COL5A3: variants seen among roughly 807,000 people sequenced by gnomAD.
The protein encoded by COL5A3 is collagen alpha-3(V) chain.
Under a neutral mutation model 250.0 loss-of-function variants are expected in COL5A3, and 172 were observed. That is an observed-to-expected ratio of 0.69 (90% CI 0.61 to 0.78). COL5A3 has a LOEUF of 0.78. Ranked by LOEUF, COL5A3 falls within the 30% of genes least tolerant of loss-of-function variation. The pLI is 0.00. For synonymous variants in COL5A3, 937 were observed against 900.4 expected, an observed-to-expected ratio of 1.04 and a Z score of -0.73; for missense variants, 2,340 against 2,334.4, an observed-to-expected ratio of 1.00 and a Z score of -0.05.
chr19:9,986,031 G>T, intron 30 of COL5A3, 136 bp from the exon 31 acceptor site: 1 of 779,172 alleles, frequency 1.3e-6, no homozygotes, highest in Non-Finnish European at 2.2e-6. Flanking sequence ...CCTTGCTCCT[G>T]CCTGCTAGGG....
rs1233505048 is a variant in COL5A3, at chr19:10,003,571, C to T, written c.843G>A (p.Glu281=). Reference sequence around the variant, plus strand: ...GAGGTCTCAGGGCCCTTACCTGGTTCTCTGCGGAGTCAGGAGGTGGACTTG... The same window carrying T: ...GAGGTCTCAGGGCCCTTACCTGGTTTTCTGCGGAGTCAGGAGGTGGACTTG... ...WTSSPPPDSA[E]NQTSTDIPKT... Residue 281 remains glutamate, a synonymous_variant, in exon 6 of 67, where the codon GAG becomes GAA. Transcript: ENST00000264828. 1 of 1,614,158 alleles carries T rather than the reference C, an allele frequency of 6.2e-7. No homozygotes were observed. Among genetic ancestry groups the T allele is most frequent in the Non-Finnish European group, 8.5e-7 (1 of 1,180,008 alleles).
At position 9,998,137 on chromosome 19, in the gene COL5A3, T is replaced by C; in HGVS notation, c.1123A>G (p.Lys375Glu). 2.5e-6 allele frequency: 4 copies of C among 1,613,712 alleles called. No homozygotes were observed. Among genetic ancestry groups the C allele is most frequent in the Non-Finnish European group, 3.4e-6 (4 of 1,179,876 alleles). The change falls in exon 9 of 67, where the codon AAA becomes GAA. Residue 375 changes from lysine (K) to glutamate (E), a missense_variant. Transcript: ENST00000264828. ...QFQIFPGAGE[K>E]GAKGEPAVIE... The stretch of plus-strand genomic sequence containing the variant: ...ACTGCGGGCTCTCCTTTTGCTCCTT[T>C]CTCTCCAGCACCCTGGGGTGGGGTC...
At chr19:9,990,785 G>C (rs142764692) in intron 24 of COL5A3, among the ~76,000 whole-genome samples, 1 of 151,954 alleles carries the variant, frequency 6.6e-6, no homozygotes, top group Admixed American at 6.6e-5. Context: ...GGATGGTCTC[G>C]ATCTCCTGAC....
At chr19:9,977,758 G>T in intron 41 of COL5A3, 57 bp from the exon 42 acceptor site, 1 of 1,356,594 alleles carries the variant, frequency 7.4e-7, no homozygotes. Context: ...CCTTTATGGA[G>T]GGTTTTTAAG....
chr19:9,981,923 T>C lies in COL5A3; in HGVS notation c.2460+142A>G, dbSNP rs2087016785. The C allele has an allele frequency of 5.7e-6, 4 of 704,052 alleles. No homozygotes were observed. In the Admixed American group the frequency reaches 8.7e-5, roughly 15 times the overall value. The allele number at this position is 704,052 out of a possible 1,614,324, so 43.6% of individuals were successfully genotyped here. On this transcript the variant is annotated intron_variant, in intron 32 of 66. Transcript: ENST00000264828. ...TGTAATCACCTACATGTGTCATGCA[T>C]TGCATATAATAGCATGTGTGCACAC...
intron 31 of COL5A3, among the ~76,000 whole-genome samples, chr19:9,983,428 T>C (rs1371951525): frequency 6.6e-6 from 1 of 151,316 alleles, no homozygotes; most frequent in Middle Eastern, 3.2e-3. Context: ...AGTCCAAGAA[T>C]TGGGGGCTGT....
intron 64 of COL5A3, among the ~76,000 whole-genome samples, chr19:9,963,444 G>A (rs1055953247): frequency 1.9e-4 from 29 of 151,586 alleles, no homozygotes; most frequent in African/African-American, 6.8e-4. Context: ...GTCTTGGAGT[G>A]CAGTGGTGTG....
chr19:9,966,586 G>A lies in COL5A3; in HGVS notation c.4619C>T (p.Pro1540Leu), dbSNP rs1468740987. ...LRRPPGTAERPGLVCHELHRN... is the reference protein window; with the variant it reads ...LRRPPGTAERLGLVCHELHRN... ...GTGCAGCTCGTGGCACACGAGGCCC[G>A]GGCGCTCCGCAGTGCCGGGAGGACG... The change falls in exon 63 of 67, where the codon CCG becomes CTG. Residue 1540 changes from proline (P) to leucine (L), a missense_variant. By Grantham distance (98) the Pro-to-Leu change is moderately conservative (BLOSUM62 -3). Around this residue, in one of 3 missense-constraint regions of COL5A3, gnomAD observed 1,179 missense variants for 1,162.6 expected, o/e 1.01. Transcript: ENST00000264828. The A allele has an allele frequency of 1.3e-6, 2 of 1,541,540 alleles. No homozygotes were observed. Among genetic ancestry groups the A allele is most frequent in the South Asian group, 1.2e-5 (1 of 84,206 alleles).
chr19:9,989,791 T>C (rs1001864584), intron 24 of COL5A3, among the ~76,000 whole-genome samples: 1 of 152,120 alleles, frequency 6.6e-6, no homozygotes, highest in Non-Finnish European at 1.5e-5. Context: ...AGGGTAACTA[T>C]AGTCAATTAT....
At chr19:9,962,137 C>T (rs1231751089) in intron 65 of COL5A3, among the ~76,000 whole-genome samples, 1 of 148,734 alleles carries the variant, frequency 6.7e-6, no homozygotes, top group Admixed American at 6.7e-5. Flanking sequence ...GACGGAATCT[C>T]GCTCTGTTGC....
At position 9,967,460 on chromosome 19, in the gene COL5A3, TACACACAAACAC is replaced by T. The variant is rs1219164036; in HGVS notation, c.4405-72_4405-61del. 418 of 1,214,032 alleles carry T rather than the reference TACACACAAACAC, an allele frequency of 3.4e-4. 2 individuals are homozygous for T. The East Asian group carries it at 0.012, about 35-fold the overall frequency. 75.2% of individuals were successfully genotyped at this position (1,214,032 alleles called of 1,614,324 possible). A position where few individuals can be genotyped will look rare whatever the true frequency, so the allele number is the denominator to read the frequency against. On this transcript the variant is annotated intron_variant, in intron 61 of 66. Transcript: ENST00000264828. ...TCTATGGAGACCCTTCCCACCAACA[TACACACAAACAC>T]ACACACACACTCACACACACACTCA...
chr19:10,003,435 A>G (rs896219947), intron 6 of COL5A3, 130 bp downstream of exon 6: 16 of 923,818 alleles, frequency 1.7e-5, no homozygotes, highest in Non-Finnish European at 2.7e-5. Flanking sequence ...AGAGAAAAAG[A>G]TCATAGATGA....
At chr19:9,985,958 C>T (rs2087093538) in intron 30 of COL5A3, 63 bp from the exon 31 acceptor site, 5 of 1,507,470 alleles carry the variant, frequency 3.3e-6, no homozygotes, top group Non-Finnish European at 2.8e-6. Context: ...GCGGAAAGGT[C>T]AGGCTGGCTG....
At chr19:9,963,184 G>A (rs2086694818) in intron 64 of COL5A3, among the ~76,000 whole-genome samples, 1 of 152,068 alleles carries the variant, frequency 6.6e-6, no homozygotes, top group African/African-American at 2.4e-5. Flanking sequence ...CAGTGGGATT[G>A]AGCTCTGGGT....
chr19:9,973,906 CA>C lies in COL5A3; in HGVS notation c.3558+12del. ...CCATCTCTGAGCCTTCCTGGCCCCC[CA>C]AGAGTTCTCACCTCTGATCCAGTGG... On this transcript the variant is annotated intron_variant, in intron 48 of 66. Transcript: ENST00000264828. 6.3e-7 allele frequency: 1 copy of C among 1,585,398 alleles called. No homozygotes were observed. The highest frequency in any genetic ancestry group is 1.7e-5 in the Admixed American group (1 of 57,344).
Position 10,005,653 on chromosome 19 carries a change from C to A in COL5A3, c.499G>T (p.Ala167Ser), listed in dbSNP as rs775506414. 2 of 1,614,046 alleles carry A rather than the reference C, an allele frequency of 1.2e-6. No individual in the cohort carries two copies. The highest frequency in any genetic ancestry group is 1.3e-5 in the African/African-American group (1 of 75,058). The change falls in exon 4 of 67, where the codon GCT becomes TCT. Residue 167 changes from alanine (A) to serine (S), a missense_variant. Ala to Ser is a moderately conservative substitution (Grantham distance 99). Coordinates refer to ENST00000264828, the MANE Select transcript of COL5A3 (RefSeq NM_015719.4). The part of the protein sequence containing the change: ...EMVTLVADCE[A>S]QPPVLGHGPR... ...CCATGGCCCAAAACAGGGGGCTGAG[C>A]TTCACAGTCAGCTACCAGGGTCACC...
At chr19:9,970,406 GGGGTGAGTGGGGGCTGTAA>G (rs1568407769) in intron 54 of COL5A3, among the ~76,000 whole-genome samples, 197 bp downstream of exon 54, 128 of 70,776 alleles carry the variant, frequency 1.8e-3, no homozygotes, top group East Asian at 3.4e-3. Context: ...TGGGGTCTGT[GGGGTGAGTGGGGGCTGTAA>G]GGTGAGTGGG....
intron 52 of COL5A3, 62 bp downstream of exon 52, chr19:9,971,143 G>C: frequency 1.4e-6 from 2 of 1,423,784 alleles, no homozygotes; most frequent in South Asian, 2.7e-5. Context: ...AGGTCTGTGG[G>C]GGTAGGGAGA....
In COL5A3 at chr19:10,009,533, C is replaced by G. The variant is rs542373791; in HGVS notation, c.88+765G>C. 1.3e-5 allele frequency among the ~76,000 whole-genome samples: 2 copies of G among 152,206 alleles called. No homozygotes were observed. The highest frequency in any genetic ancestry group is 4.1e-4 in the South Asian group (2 of 4,822). The stretch of plus-strand genomic sequence containing the variant: ...TCCACTCCTGCCCCGCCCTGCGCCC[C>G]GCCCCGTCTCGCCCCTCACCGCGGC... On this transcript the variant is annotated intron_variant, in intron 1 of 66. Transcript: ENST00000264828. This position sits in a 1 kb window ranked among gnomAD's most constrained non-coding sequence, Gnocchi z 4.4.
Sources: gnomAD v4.1 joint callset for allele counts (sites outside exome capture counted in the v4.1 genomes callset) on GRCh38, gnomAD v4.1.1 for gene constraint, gnomAD v4.1.1 regional missense constraint, Gnocchi (gnomAD v3.1) non-coding constraint, MANE v1.5 for transcripts, NCBI Gene and HGNC (gene_info 2026-07-23, HGNC 2026-07-21) for gene names.